Variants in DENND4C observed in about 807,000 individuals in gnomAD.
DENND4C encodes DENN domain-containing protein 4C.
Under a neutral mutation model 203.0 loss-of-function variants are expected in DENND4C, and 108 were observed. The ratio of observed to expected loss-of-function variants is 0.53; its 90% confidence interval spans 0.46 to 0.62. DENND4C has a LOEUF of 0.62. Ranked by LOEUF, DENND4C falls within the 20% of genes least tolerant of loss-of-function variation. The probability of loss-of-function intolerance (pLI) is 0.00; values close to 1 mark genes in which losing one functional copy is unlikely to be tolerated. For missense variants in DENND4C, 2,481 were observed against 2,301.2 expected, an observed-to-expected ratio of 1.08 and a Z score of -1.60; for synonymous variants, 871 against 792.4, an observed-to-expected ratio of 1.10 and a Z score of -1.67.
In DENND4C at chr9:19,316,818, G is replaced by A; in HGVS notation, c.1786G>A (p.Asp596Asn). ...TCCTTCAAATAAAGCCACAGCTGCT[G>A]ATTCATTGTTTGACCGACAGGGTGA... ...EAPSNKATAA[D>N]SLFDRQGFLK... Residue 596 changes from aspartate (D) to asparagine (N), a missense_variant, in exon 12 of 33, where the codon GAT becomes AAT. Coordinates refer to ENST00000434457, the MANE Select transcript of DENND4C (RefSeq NM_001330640.2). The A allele has an allele frequency of 6.2e-7, 1 of 1,613,284 alleles. No homozygotes were observed. Among genetic ancestry groups the A allele is most frequent in the Non-Finnish European group, 8.5e-7 (1 of 1,179,702 alleles).
At chr9:19,235,484 A>G (rs1821705777) in intron 1 of DENND4C, among the ~76,000 whole-genome samples, 1 of 152,156 alleles carries the variant, frequency 6.6e-6, no homozygotes, top group African/African-American at 2.4e-5. Flanking sequence ...AAGTAATGTA[A>G]TTCTTATACT....
At chr9:19,303,775 C>T (rs1393093848) in intron 9 of DENND4C, among the ~76,000 whole-genome samples, 2 of 151,962 alleles carry the variant, frequency 1.3e-5, no homozygotes, top group African/African-American at 4.8e-5. Context: ...TGAACTAGAC[C>T]TTAAAAGATA....
At chr9:19,262,486 T>C (rs111720204) in intron 1 of DENND4C, among the ~76,000 whole-genome samples, 6,992 of 149,318 alleles carry the variant, frequency 0.047, 278 homozygotes, top group African/African-American at 0.11. Context: ...GGCTGGAGTG[T>C]AGTGGTGCTA....
intron 1 of DENND4C, among the ~76,000 whole-genome samples, chr9:19,257,617 T>G (rs796827992): frequency 5.3e-5 from 8 of 152,082 alleles, no homozygotes; most frequent in Admixed American, 5.2e-4. Flanking sequence ...AAACCAAATG[T>G]GATTTTTAAA....
At chr9:19,365,152 G>A (rs1382416858) in intron 30 of DENND4C, among the ~76,000 whole-genome samples, 1 of 152,058 alleles carries the variant, frequency 6.6e-6, no homozygotes, top group African/African-American at 2.4e-5. Flanking sequence ...TAAAAATCGT[G>A]AATAAAATAC....
intron 1 of DENND4C, among the ~76,000 whole-genome samples, chr9:19,270,109 C>G (rs1408114719): frequency 6.6e-6 from 1 of 152,094 alleles, no homozygotes; most frequent in Non-Finnish European, 1.5e-5. Flanking sequence ...TATTTTCCCC[C>G]AAACAAATGG....
In DENND4C at chr9:19,346,542, C is replaced by T; in HGVS notation, c.3773C>T (p.Thr1258Ile). The change falls in exon 23 of 33, where the codon ACT becomes ATT. Residue 1258 changes from threonine to isoleucine, a missense_variant. Physicochemically the swap from Thr to Ile is moderately conservative, Grantham distance 89 (BLOSUM62 -1). Transcript: ENST00000434457. Reference sequence around the variant, plus strand: ...CTAGATCCTTTGTCTCTTTTAGCCACTGAATGTACAGGAGGAAAAACTCCT... The same window carrying T: ...CTAGATCCTTTGTCTCTTTTAGCCATTGAATGTACAGGAGGAAAAACTCCT... ...TGLDPLSLLA[T>I]ECTGGKTPDS... 1.2e-6 allele frequency: 2 copies of T among 1,614,104 alleles called. No individual in the cohort carries two copies. Among genetic ancestry groups the T allele is most frequent in the Non-Finnish European group, 1.7e-6 (2 of 1,180,034 alleles).
intron 20 of DENND4C, among the ~76,000 whole-genome samples, chr9:19,340,595 G>C (rs891666199): frequency 6.6e-6 from 1 of 151,998 alleles, no homozygotes; most frequent in Non-Finnish European, 1.5e-5. Flanking sequence ...ACCCTGGTAG[G>C]TAACCATCTT....
At chr9:19,264,323 G>A (rs1374897971) in intron 1 of DENND4C, among the ~76,000 whole-genome samples, 1 of 150,570 alleles carries the variant, frequency 6.6e-6, no homozygotes, top group African/African-American at 2.4e-5. Context: ...TTTTTGAGAC[G>A]GAGTCTCACC....
At chr9:19,362,022 C>A in intron 30 of DENND4C, 59 bp downstream of exon 30, 2 of 1,093,082 alleles carry the variant, frequency 1.8e-6, no homozygotes, top group Non-Finnish European at 2.7e-6. Context: ...ACCTGTAATG[C>A]CAGCACTTTG....
chr9:19,330,043 C>G (rs918911925), intron 16 of DENND4C, among the ~76,000 whole-genome samples: 1 of 152,088 alleles, frequency 6.6e-6, no homozygotes, highest in Non-Finnish European at 1.5e-5. Context: ...CTAGAGATAT[C>G]CTGAGGTATT....
At chr9:19,235,023 G>T (rs1293266742) in intron 1 of DENND4C, among the ~76,000 whole-genome samples, 11 of 150,964 alleles carry the variant, frequency 7.3e-5, no homozygotes, top group Admixed American at 7.3e-4. Flanking sequence ...ATGGTGCAAT[G>T]GGGTGATCTC....
At chr9:19,306,621 T>TAGA (rs1839708176) in intron 10 of DENND4C, among the ~76,000 whole-genome samples, 1 of 152,082 alleles carries the variant, frequency 6.6e-6, no homozygotes. Context: ...TACCTTATTT[T>TAGA]ATTTTTATTC....
chr9:19,350,866 G>C lies in DENND4C; in HGVS notation c.4482G>C (p.Leu1494=). The change falls in exon 24 of 33, where the codon CTG becomes CTC. Residue 1494 remains leucine, a synonymous_variant. Coordinates refer to ENST00000434457, the MANE Select transcript of DENND4C (RefSeq NM_001330640.2). ...GCAGTAGTGGAGATGTAGGAAAACT[G>C]CATTATCCAACAGGTATGGGGAAGG... ...SSSSSGDVGK[L]HYPTGEVPFP... 6.2e-7 allele frequency: 1 copy of C among 1,612,896 alleles called. No individual in the cohort carries two copies. The highest frequency in any genetic ancestry group is 8.5e-7 in the Non-Finnish European group (1 of 1,179,450).
chr9:19,347,843 T>A (rs1298757324), intron 23 of DENND4C, among the ~76,000 whole-genome samples: 1 of 152,214 alleles, frequency 6.6e-6, no homozygotes, highest in Admixed American at 6.5e-5. Context: ...TTAATACATA[T>A]GAAGTCAAGC....
At chr9:19,231,115 C>A (rs1455613556) in intron 1 of DENND4C, among the ~76,000 whole-genome samples, 1 of 152,204 alleles carries the variant, frequency 6.6e-6, no homozygotes, top group East Asian at 1.9e-4. Context: ...CCGCCGGGCC[C>A]ATGAGAATCG....
At chr9:19,267,635 CA>C (rs34208669) in intron 1 of DENND4C, among the ~76,000 whole-genome samples, 3,703 of 151,934 alleles carry the variant, frequency 0.024, 62 homozygotes, top group Non-Finnish European at 0.025. Flanking sequence ...CTCCTGAGCT[CA>C]GGGGATCTTC....
chr9:19,248,694 C>G (rs1303894568), intron 1 of DENND4C, among the ~76,000 whole-genome samples: 1 of 151,718 alleles, frequency 6.6e-6, no homozygotes. Context: ...CTGGCTAGAT[C>G]TTACTTATTT....
At chr9:19,291,826 G>A (rs949679929) in intron 5 of DENND4C, among the ~76,000 whole-genome samples, 7 of 151,978 alleles carry the variant, frequency 4.6e-5, no homozygotes, top group Admixed American at 1.3e-4. Flanking sequence ...GTTTTAAAAT[G>A]TAGCAGATAG....
Sources: allele counts gnomAD v4.1 joint callset (sites outside exome capture counted in the v4.1 genomes callset), GRCh38; gene constraint gnomAD v4.1.1; transcripts MANE v1.5; gene names NCBI Gene and HGNC (gene_info 2026-07-23, HGNC 2026-07-21).